TNPO1: variants seen among roughly 807,000 people sequenced by gnomAD.
The protein encoded by TNPO1 is transportin-1.
TNPO1 carries 8 observed loss-of-function variants against 119.5 expected under a neutral mutation model. That is an observed-to-expected ratio of 0.07 (90% confidence interval 0.04 to 0.12). The LOEUF (loss-of-function observed/expected upper bound fraction) is 0.12. Among genes scored for constraint, TNPO1 ranks in the 10% least tolerant of loss-of-function variants. The pLI is 1.00. For missense variants in TNPO1, 576 were observed against 1,089.8 expected (o/e 0.53, Z 6.64); for synonymous variants, 362 against 363.0 (o/e 1.00, Z 0.03).
Position 72,882,364 on chromosome 5 carries a change from A to G in TNPO1, c.921-103A>G, listed in dbSNP as rs556478567. 418 of 788,608 alleles carry G rather than the reference A, an allele frequency of 5.3e-4. 3 individuals carry two copies. In the South Asian group the frequency reaches 7.8e-3, roughly 15 times the overall value. The allele number at this position is 788,608 out of a possible 1,614,324, so 48.9% of individuals were successfully genotyped here. On this transcript the variant is annotated intron_variant, in intron 9 of 24. Coordinates refer to ENST00000337273, the MANE Select transcript of TNPO1 (RefSeq NM_002270.4). ...GAATAAGTTCAAAGACAATATTACC[A>G]TTGATTATCTCATTGGTTTTATTAG... is the stretch of plus-strand genomic sequence containing the variant.
chr5:72,823,201 T>C (rs1315312881), intron 1 of TNPO1, among the ~76,000 whole-genome samples: 2 of 152,170 alleles, frequency 1.3e-5, no homozygotes, highest in Non-Finnish European at 2.9e-5. Context: ...GAAAGATATC[T>C]GTCATGAGTC....
In TNPO1 at chr5:72,822,391, T is replaced by C. The variant is rs936432523; in HGVS notation, c.15+5639T>C. Among the ~76,000 whole-genome samples, 3 of 151,980 alleles carry C rather than the reference T, an allele frequency of 2.0e-5. No homozygotes were observed. In the South Asian group the frequency reaches 6.2e-4, roughly 32 times the overall value. On this transcript the variant is annotated intron_variant, in intron 1 of 24. Transcript: ENST00000337273. ...TTGTTAGTATGTATTGAGAAGGTTG[T>C]AGGGATAACATTGAATATATCGGTA...
rs370199624 is a variant in TNPO1, at chr5:72,849,893, A to T, written c.130-1351A>T. ...CTAGTTTCTTAAATTAGCTAAGCCCAATCCTGCATTGTAGTTATTCTGTGG... is the reference window on the plus strand; with the variant it reads ...CTAGTTTCTTAAATTAGCTAAGCCCTATCCTGCATTGTAGTTATTCTGTGG... On this transcript the variant is annotated intron_variant, in intron 2 of 24. Transcript: ENST00000337273. 3.9e-5 allele frequency among the ~76,000 whole-genome samples: 6 copies of T among 152,366 alleles called. No homozygotes were observed. In the South Asian group the frequency reaches 1.2e-3, roughly 32 times the overall value.
chr5:72,852,847 G>T (rs368074305), intron 3 of TNPO1, among the ~76,000 whole-genome samples: 11 of 152,124 alleles, frequency 7.2e-5, no homozygotes, highest in African/African-American at 2.7e-4. Context: ...AAGAAACTAA[G>T]AATTATTTCA....
intron 1 of TNPO1, among the ~76,000 whole-genome samples, chr5:72,834,603 G>A (rs1353849710): frequency 1.3e-5 from 2 of 152,334 alleles, no homozygotes; most frequent in Admixed American, 1.3e-4. Context: ...GCTGTACAGT[G>A]TGTTTGTGTT....
At chr5:72,886,956 ATTC>A (rs1435296492) in intron 11 of TNPO1, 111 bp from the exon 12 acceptor site, 1 of 974,470 alleles carries the variant, frequency 1.0e-6, no homozygotes, top group Non-Finnish European at 1.4e-6. Flanking sequence ...ATTCAATTGA[ATTC>A]TTATTTTAAA....
chr5:72,891,674 G>A (rs1017408989), intron 14 of TNPO1, 136 bp from the exon 15 acceptor site: 2 of 634,608 alleles, frequency 3.2e-6, no homozygotes, highest in Admixed American at 2.7e-5. Flanking sequence ...TGTGCAGAGT[G>A]AAGAATGACT....
At chr5:72,902,922 T>C (rs532442840) in intron 22 of TNPO1, among the ~76,000 whole-genome samples, 1 of 152,268 alleles carries the variant, frequency 6.6e-6, no homozygotes, top group South Asian at 2.1e-4. Flanking sequence ...ATACACACAC[T>C]GTAGTATTAC....
chr5:72,879,977 C>T (rs532225484), intron 9 of TNPO1, among the ~76,000 whole-genome samples: 48 of 152,292 alleles, frequency 3.2e-4, no homozygotes, highest in African/African-American at 1.1e-3. Context: ...CGCTTGAGCT[C>T]AGGAGTTCAA....
At position 72,823,751 on chromosome 5, in the gene TNPO1, T is replaced by C. The variant is rs75067754; in HGVS notation, c.15+6999T>C. 1.7e-3 allele frequency among the ~76,000 whole-genome samples: 263 copies of C among 152,234 alleles called. 2 individuals carry two copies. The highest frequency in any genetic ancestry group is 6.1e-3 in the African/African-American group (252 of 41,542). ...CTCTAGTTAAAACAAACTCTGGGGT[T>C]TTTTTTGCACTTGCCCCTATGTAAC... On this transcript the variant is annotated intron_variant, in intron 1 of 24. Coordinates refer to ENST00000337273, the MANE Select transcript of TNPO1 (RefSeq NM_002270.4).
intron 7 of TNPO1, among the ~76,000 whole-genome samples, chr5:72,873,093 T>C (rs1367702925): frequency 6.6e-6 from 1 of 152,086 alleles, no homozygotes; most frequent in African/African-American, 2.4e-5. Context: ...GAGGTTAGAT[T>C]AAGTTCATTT....
Position 72,877,360 on chromosome 5 carries a change from C to T in TNPO1, c.920+14C>T, listed in dbSNP as rs760407451. ...GCATCTTCCTAAGTAAGTGTTCCCT[C>T]TTATAAATGCTGCCTTGTTCTTTAA... On this transcript the variant is annotated intron_variant, in intron 9 of 24. Coordinates refer to ENST00000337273, the MANE Select transcript of TNPO1 (RefSeq NM_002270.4). 15 of 1,261,800 alleles carry T rather than the reference C, an allele frequency of 1.2e-5. No homozygotes were observed. The highest frequency in any genetic ancestry group is 1.8e-5 in the Admixed American group (1 of 55,440). The allele number at this position is 1,261,800 out of a possible 1,614,324, so 78.2% of individuals were successfully genotyped here.
At chr5:72,908,581 T>C (rs995542987) in intron 24 of TNPO1, 128 bp from the exon 25 acceptor site, 8 of 160,626 alleles carry the variant, frequency 5.0e-5, no homozygotes, top group Non-Finnish European at 2.7e-5. Context: ...TATTAGGCAA[T>C]TTGTCCAAAT....
intron 1 of TNPO1, among the ~76,000 whole-genome samples, chr5:72,835,680 A>G (rs992133653): frequency 6.6e-6 from 1 of 152,232 alleles, no homozygotes; most frequent in Non-Finnish European, 1.5e-5. Flanking sequence ...GGTAGGACAC[A>G]TTCAAATCAT....
In TNPO1 at chr5:72,908,979, A is replaced by C. The variant is rs997921241; in HGVS notation, c.*306A>C. 5 of 439,578 alleles carry C rather than the reference A, an allele frequency of 1.1e-5. No homozygotes were observed. The highest frequency in any genetic ancestry group is 8.2e-5 in the African/African-American group (4 of 48,876). The allele number at this position is 439,578 out of a possible 1,614,324, so 27.2% of individuals were successfully genotyped here. ...AAAAAATCTATTCAGTCTACTCACA[A>C]AACAGTACATTGTGGAATATTATGG... On this transcript the variant is annotated 3_prime_UTR_variant, in exon 25 of 25. Coordinates refer to ENST00000337273, the MANE Select transcript of TNPO1 (RefSeq NM_002270.4).
chr5:72,829,303 G>A (rs1166564391), intron 1 of TNPO1, among the ~76,000 whole-genome samples: 1 of 152,228 alleles, frequency 6.6e-6, no homozygotes, highest in East Asian at 1.9e-4. Flanking sequence ...AGTGAGTAAA[G>A]ACTTCCGTTG....
intron 5 of TNPO1, among the ~76,000 whole-genome samples, chr5:72,863,033 TTTG>T (rs1746594541): frequency 6.6e-6 from 1 of 151,532 alleles, no homozygotes; most frequent in Non-Finnish European, 1.5e-5. Context: ...TGTGGTTTTT[TTTG>T]TTGTTTTTTT....
At chr5:72,897,977 A>G (rs1749555817) in intron 20 of TNPO1, among the ~76,000 whole-genome samples, 1 of 152,092 alleles carries the variant, frequency 6.6e-6, no homozygotes, top group South Asian at 2.1e-4. Flanking sequence ...AGTTCATTTT[A>G]TTCTAATGCT....
intron 1 of TNPO1, among the ~76,000 whole-genome samples, chr5:72,835,604 A>T (rs1744663992): frequency 6.6e-6 from 1 of 152,208 alleles, no homozygotes; most frequent in Non-Finnish European, 1.5e-5. Flanking sequence ...TCATGACGTA[A>T]TCACTTCCTA....
Sources: allele counts gnomAD v4.1 joint callset (sites outside exome capture counted in the v4.1 genomes callset), GRCh38; gene constraint gnomAD v4.1.1; transcripts MANE v1.5; gene names NCBI Gene and HGNC (gene_info 2026-07-23, HGNC 2026-07-21).